The following SPRY3 variants were observed in gnomAD, a reference collection of about 807,000 sequenced individuals.
SPRY3 encodes the protein protein sprouty homolog 3.
In SPRY3, 15 loss-of-function variants were observed where a neutral mutation model predicts 20.2. That is an observed-to-expected ratio of 0.74 (90% confidence interval 0.50 to 1.14). SPRY3 has a LOEUF of 1.14. Ranked by LOEUF, SPRY3 falls within the 50% of genes most tolerant of loss-of-function variation. The probability of loss-of-function intolerance (pLI) is 0.00; values close to 1 mark genes in which losing one functional copy is unlikely to be tolerated. For missense variants in SPRY3, 364 were observed against 363.9 expected (o/e 1.00, Z 0.00); for synonymous variants, 143 against 136.5 (o/e 1.05, Z -0.33).
At chrX:155,683,676 C>T (rs2068079976) in intron 2 of SPRY3, among the ~76,000 whole-genome samples, 2 of 111,037 alleles carry the variant, frequency 1.8e-5, no homozygotes, top group Admixed American at 1.9e-4. Context: ...ATTAAAGTGG[C>T]AGTTGGATAT....
intron 2 of SPRY3, among the ~76,000 whole-genome samples, chrX:155,721,684 A>G (rs1216059506): frequency 1.3e-5 from 2 of 152,132 alleles, no homozygotes; most frequent in Non-Finnish European, 2.9e-5. Context: ...AAAAAACTTT[A>G]TCCTAGAATA....
At chrX:155,751,805 G>T (rs2091263289) in intron 2 of SPRY3, among the ~76,000 whole-genome samples, 1 of 151,328 alleles carries the variant, frequency 6.6e-6, no homozygotes, top group African/African-American at 2.4e-5. Flanking sequence ...TAGTGATTCT[G>T]CCAGGATGCA....
chrX:155,627,204 T>A (rs181158516), intron 1 of SPRY3, among the ~76,000 whole-genome samples: 36 of 111,606 alleles, frequency 3.2e-4, no homozygotes, highest in African/African-American at 1.1e-3. Context: ...AATTTTCTAT[T>A]CTTTAACCAA....
chrX:155,725,182 G>A (rs1380423251), intron 2 of SPRY3, among the ~76,000 whole-genome samples: 1 of 152,146 alleles, frequency 6.6e-6, no homozygotes, highest in Non-Finnish European at 1.5e-5. Context: ...CTTGATCATG[G>A]TGGATAAGCT....
chrX:155,680,197 G>GGAGA (rs761827872), intron 2 of SPRY3, among the ~76,000 whole-genome samples: 1 of 75,276 alleles, frequency 1.3e-5, no homozygotes. Context: ...TGTGTTTGAG[G>GGAGA]GAGAGAGAGA....
intron 1 of SPRY3, among the ~76,000 whole-genome samples, chrX:155,654,958 TTG>T (rs1280466847): frequency 9.0e-6 from 1 of 111,491 alleles, no homozygotes; most frequent in Non-Finnish European, 1.9e-5. Flanking sequence ...TCTGTAGAGG[TTG>T]TATTAATTTA....
At chrX:155,710,096 A>C in intron 2 of SPRY3, among the ~76,000 whole-genome samples, 1 of 151,746 alleles carries the variant, frequency 6.6e-6, no homozygotes, top group East Asian at 1.9e-4. Context: ...AGGTAATATA[A>C]TTCCTCCAGT....
At chrX:155,723,832 G>T in intron 2 of SPRY3, among the ~76,000 whole-genome samples, 1 of 152,242 alleles carries the variant, frequency 6.6e-6, no homozygotes, top group Non-Finnish European at 1.5e-5. Flanking sequence ...CATTGCTTTT[G>T]ATGTTTTGGT....
At chrX:155,705,535 A>C (rs939470584) in intron 2 of SPRY3, among the ~76,000 whole-genome samples, 3 of 151,416 alleles carry the variant, frequency 2.0e-5, no homozygotes, top group African/African-American at 7.2e-5. Flanking sequence ...TTAAGTGTAA[A>C]TATTCTGAAG....
chrX:155,720,401 T>TG (rs2091049480), intron 2 of SPRY3, among the ~76,000 whole-genome samples: 1 of 152,166 alleles, frequency 6.6e-6, no homozygotes, highest in Non-Finnish European at 1.5e-5. Context: ...GACACAGGCC[T>TG]GTCTGGTTTT....
intron 2 of SPRY3, among the ~76,000 whole-genome samples, chrX:155,761,638 A>AAAG (rs2091304456): frequency 6.6e-6 from 1 of 151,756 alleles, no homozygotes; most frequent in African/African-American, 2.4e-5. Flanking sequence ...ACTGCTTTCC[A>AAAG]AAGTAGTTGA....
chrX:155,616,150 T>TCTCTCTCTCTCTCTCTCTCTCTCTCC (rs55763745), intron 1 of SPRY3, among the ~76,000 whole-genome samples: 1 of 40,001 alleles, frequency 2.5e-5, no homozygotes, highest in African/African-American at 5.8e-5. Context: ...TCTCTCTCTC[T>TCTCTCTCTCTCTCTCTCTCTCTCTCC]TCTCTCTCTC....
At chrX:155,730,131 C>T (rs2091123745) in intron 2 of SPRY3, among the ~76,000 whole-genome samples, 1 of 152,112 alleles carries the variant, frequency 6.6e-6, no homozygotes, top group South Asian at 2.1e-4. Context: ...TAATACCAAT[C>T]CTACTCAAAC....
chrX:155,663,744 G>A (rs896997790), intron 2 of SPRY3, among the ~76,000 whole-genome samples: 1 of 111,273 alleles, frequency 9.0e-6, no homozygotes, highest in East Asian at 2.8e-4. Context: ...GCAATGTGTT[G>A]TAACAGCTCT....
chrX:155,629,241 G>A (rs1257912494), intron 1 of SPRY3, among the ~76,000 whole-genome samples: 1 of 100,047 alleles, frequency 1.0e-5, no homozygotes, highest in Non-Finnish European at 2.0e-5. Flanking sequence ...CCACCTATGA[G>A]TGAGAACATG....
chrX:155,627,134 ATTG>A (rs1331913206), intron 1 of SPRY3, among the ~76,000 whole-genome samples: 1 of 111,576 alleles, frequency 9.0e-6, no homozygotes, highest in African/African-American at 3.3e-5. Flanking sequence ...AATACAACAT[ATTG>A]TTATTAACTA....
At chrX:155,750,347 G>A (rs1363355036) in intron 2 of SPRY3, among the ~76,000 whole-genome samples, 4 of 151,696 alleles carry the variant, frequency 2.6e-5, no homozygotes, top group African/African-American at 9.7e-5. Flanking sequence ...CCTGGGTGAC[G>A]GGATCAGTTG....
chrX:155,677,678 A>T (rs867698593), intron 2 of SPRY3, among the ~76,000 whole-genome samples: 1 of 111,336 alleles, frequency 9.0e-6, no homozygotes, highest in Non-Finnish European at 1.9e-5. Context: ...CTATCTTTCA[A>T]TTGGTCCCAA....
chrX:155,664,406 A>G (rs1020476193), intron 2 of SPRY3, among the ~76,000 whole-genome samples: 11 of 109,429 alleles, frequency 1.0e-4, no homozygotes, highest in African/African-American at 3.6e-4. Flanking sequence ...GGTAATAATG[A>G]TCATGACTAT....
Sources: allele counts gnomAD v4.1 joint callset (sites outside exome capture counted in the v4.1 genomes callset), GRCh38; gene constraint gnomAD v4.1.1; transcripts MANE v1.5; gene names NCBI Gene and HGNC (gene_info 2026-07-23, HGNC 2026-07-21).